TMC2: variants seen among roughly 807,000 people sequenced by gnomAD.
The protein encoded by TMC2 is transmembrane channel-like protein 2.
In TMC2, 102 loss-of-function variants were observed where a neutral mutation model predicts 105.9. The observed-to-expected ratio is 0.96, with a 90% CI of 0.82 to 1.14. TMC2 has a LOEUF of 1.14. Among genes scored for constraint, TMC2 ranks in the 50% most tolerant of loss-of-function variants. The pLI is 0.00. For synonymous variants in TMC2, 402 were observed against 422.8 expected (o/e 0.95, Z 0.60); for missense variants, 1,093 against 1,134.3 (o/e 0.96, Z 0.52).
In TMC2 at chr20:2,641,394, A is replaced by C; in HGVS notation, c.*43A>C. 1 of 1,335,772 alleles carries C rather than the reference A, an allele frequency of 7.5e-7. No homozygotes were observed. The allele number at this position is 1,335,772 out of a possible 1,614,324, so 82.7% of individuals were successfully genotyped here. A position where few individuals can be genotyped will look rare whatever the true frequency, so the allele number is the denominator to read the frequency against. ...AGCCTCGACCCTAGGGCTGATCCTC[A>C]AGTACCCCAGTTTCACACATACCAA... is the stretch of plus-strand genomic sequence containing the variant. On this transcript the variant is annotated 3_prime_UTR_variant, in exon 20 of 20. Coordinates refer to ENST00000358864, the MANE Select transcript of TMC2 (RefSeq NM_080751.3).
Position 2,556,200 on chromosome 20 carries a change from T to C in TMC2, c.83-2256T>C, listed in dbSNP as rs189772283. ...ACCTCCTAGCGTCAAGTGATTCTCC[T>C]GCCTCAGCCTTCCCAGTAGCTGGGA... On this transcript the variant is annotated intron_variant, in intron 2 of 19. Transcript: ENST00000358864. 2.8e-3 allele frequency among the ~76,000 whole-genome samples: 422 copies of C among 152,314 alleles called. 1 individual carries two copies. Among genetic ancestry groups the C allele is most frequent in the African/African-American group, 9.0e-3 (376 of 41,560 alleles).
chr20:2,634,523 C>G (rs2086627752), intron 17 of TMC2, among the ~76,000 whole-genome samples: 1 of 152,158 alleles, frequency 6.6e-6, no homozygotes, highest in Admixed American at 6.5e-5. Flanking sequence ...TAGTGACAAT[C>G]TGGATTGCCT....
In TMC2 at chr20:2,642,994, A is replaced by T. The variant is rs1444482363; in HGVS notation, c.*1643A>T. Among the ~76,000 whole-genome samples the T allele has an allele frequency of 6.6e-6, 1 of 152,164 alleles. No homozygotes were observed. The highest frequency in any genetic ancestry group is 2.4e-5 in the African/African-American group (1 of 41,434). On this transcript the variant is annotated 3_prime_UTR_variant, in exon 20 of 20. Coordinates refer to ENST00000358864, the MANE Select transcript of TMC2 (RefSeq NM_080751.3). ...ATTTCATAAGCTGTACAATTAAAAT[A>T]ATTTCTAACTTCCCTCCCAAATCCC...
At chr20:2,578,471 G>A (rs2086163289) in intron 5 of TMC2, among the ~76,000 whole-genome samples, 1 of 152,202 alleles carries the variant, frequency 6.6e-6, no homozygotes, top group Non-Finnish European at 1.5e-5. Flanking sequence ...CTGGTGGAGA[G>A]CAGTCCCTTG....
At chr20:2,580,738 A>C (rs1488324298) in intron 7 of TMC2, among the ~76,000 whole-genome samples, 2 of 152,140 alleles carry the variant, frequency 1.3e-5, no homozygotes, top group African/African-American at 2.4e-5. Flanking sequence ...ATAACCCACC[A>C]TACCTGGCCC....
At position 2,592,206 on chromosome 20, in the gene TMC2, G is replaced by A; in HGVS notation, c.835-104G>A. 1.5e-6 allele frequency: 1 copy of A among 680,002 alleles called. No individual in the cohort carries two copies. Among genetic ancestry groups the A allele is most frequent in the Non-Finnish European group, 2.6e-6 (1 of 383,714 alleles). The allele number at this position is 680,002 out of a possible 1,614,324, so 42.1% of individuals were successfully genotyped here. A position where few individuals can be genotyped will look rare whatever the true frequency, so the allele number is the denominator to read the frequency against. On this transcript the variant is annotated intron_variant, in intron 7 of 19. Transcript: ENST00000358864. The surrounding 1 kb of genome is among the most constrained non-coding windows in gnomAD (Gnocchi z 4.9). ...AATACATAAAGAAAGAAGAAAATAG[G>A]TGTATTCCGCTCTGAGAAGGAAAGC...
intron 2 of TMC2, among the ~76,000 whole-genome samples, chr20:2,555,352 AT>A (rs1169305707): frequency 6.6e-6 from 1 of 152,174 alleles, no homozygotes; most frequent in Non-Finnish European, 1.5e-5. Context: ...AAGTGCTGGG[AT>A]TACAGGCATG....
At chr20:2,537,133 T>G (rs2085855002) in intron 1 of TMC2, 136 bp from the exon 2 acceptor site, 1 of 738,510 alleles carries the variant, frequency 1.4e-6, no homozygotes, top group Non-Finnish European at 2.4e-6. Flanking sequence ...TATAATTTGC[T>G]GAGTAAAATC....
intron 9 of TMC2, among the ~76,000 whole-genome samples, chr20:2,596,166 C>T (rs112077811): frequency 1.3e-5 from 2 of 152,144 alleles, no homozygotes; most frequent in African/African-American, 4.8e-5. Context: ...TATAGCACCC[C>T]TGTTTGGAAT....
rs558934005 is a variant in TMC2, at chr20:2,592,899, G to A, written c.933+491G>A. Among the ~76,000 whole-genome samples, 225 of 152,034 alleles carry A rather than the reference G, an allele frequency of 1.5e-3. 2 individuals carry two copies. Among genetic ancestry groups the A allele is most frequent in the African/African-American group, 5.2e-3 (217 of 41,416 alleles). On this transcript the variant is annotated intron_variant, in intron 8 of 19. Transcript: ENST00000358864. The surrounding 1 kb of genome is among the most constrained non-coding windows in gnomAD (Gnocchi z 4.9). Reference sequence around the variant, plus strand: ...GTCTGAAGCCTGAAAATCATCCCACGCTTCTACCTCTTCCTCACCAACCAC... The same window carrying A: ...GTCTGAAGCCTGAAAATCATCCCACACTTCTACCTCTTCCTCACCAACCAC...
Position 2,566,959 on chromosome 20 carries a change from A to G in TMC2, c.554+4949A>G, listed in dbSNP as rs146630752. Reference sequence around the variant, plus strand: ...AATAACTGTTCTCCAGCCAAATACCACAGACAAAACAACAGCCCCCATTGC... The same window carrying G: ...AATAACTGTTCTCCAGCCAAATACCGCAGACAAAACAACAGCCCCCATTGC... On this transcript the variant is annotated intron_variant, in intron 4 of 19. Coordinates refer to ENST00000358864, the MANE Select transcript of TMC2 (RefSeq NM_080751.3). Among the ~76,000 whole-genome samples, 402 of 152,354 alleles carry G rather than the reference A, an allele frequency of 2.6e-3. 2 individuals carry two copies. Among genetic ancestry groups the G allele is most frequent in the African/African-American group, 9.0e-3 (373 of 41,588 alleles).
intron 9 of TMC2, 85 bp downstream of exon 9, chr20:2,595,052 G>A (rs1261668195): frequency 6.9e-7 from 1 of 1,457,898 alleles, no homozygotes; most frequent in East Asian, 2.3e-5. Context: ...CTCCCTTCTG[G>A]TGGGGCATTC....
rs932986969 is a variant in TMC2 at position 2,547,808 on chromosome 20, C to A, written c.82+10492C>A. On this transcript the variant is annotated intron_variant, in intron 2 of 19. Coordinates refer to ENST00000358864, the MANE Select transcript of TMC2 (RefSeq NM_080751.3). ...GGTAAGGTGATCACCCACTAAGAAC[C>A]TTAACTCTTTCATAAGTGAAGAACC... 3.3e-5 allele frequency among the ~76,000 whole-genome samples: 5 copies of A among 152,234 alleles called. No homozygotes were observed. In the East Asian group the frequency reaches 9.6e-4, roughly 29 times the overall value.
At chr20:2,622,349 G>T (rs556031354) in intron 16 of TMC2, among the ~76,000 whole-genome samples, 3 of 152,142 alleles carry the variant, frequency 2.0e-5, no homozygotes, top group African/African-American at 4.8e-5. Flanking sequence ...ATGTAAAAAT[G>T]ATTCTTAGCT....
chr20:2,537,175 C>A (rs2085855293), intron 1 of TMC2, 94 bp from the exon 2 acceptor site: 1 of 1,172,238 alleles, frequency 8.5e-7, no homozygotes, highest in African/African-American at 1.5e-5. Flanking sequence ...GAGGCAGCCA[C>A]AAATCAGCTG....
At chr20:2,539,015 T>G (rs190248788) in intron 2 of TMC2, among the ~76,000 whole-genome samples, 77 of 152,312 alleles carry the variant, frequency 5.1e-4, no homozygotes, top group Non-Finnish European at 9.4e-4. Context: ...CTCTCCCTCC[T>G]CCTGTATCAT....
At chr20:2,595,860 T>C (rs755215297) in intron 9 of TMC2, among the ~76,000 whole-genome samples, 1 of 152,182 alleles carries the variant, frequency 6.6e-6, no homozygotes, top group Non-Finnish European at 1.5e-5. Flanking sequence ...TGGTTTTCTT[T>C]CACATGGTCT....
rs759543692 is a variant in TMC2, at chr20:2,572,229, A to T, written c.605A>T (p.Lys202Ile). 1 of 1,613,640 alleles carries T rather than the reference A, an allele frequency of 6.2e-7. No individual in the cohort carries two copies. Among genetic ancestry groups the T allele is most frequent in the Non-Finnish European group, 8.5e-7 (1 of 1,179,884 alleles). ...TATGAAGGTGCCTTGGGAAAGGGGA[A>T]AGGCAAGCAACTATATGCCTACAAG... ...EKYEGALGKG[K>I]GKQLYAYKML... The change falls in exon 5 of 20, where the codon AAA (lysine) becomes ATA (isoleucine). Residue 202 changes from lysine to isoleucine, a missense_variant. Transcript: ENST00000358864.
At position 2,616,003 on chromosome 20, in the gene TMC2, C is replaced by T; in HGVS notation, c.1873-134C>T. ...AGAATGCTAAATCTAAGGTTCTTCTCTAGTTACCAGAGCAGGCTCTTTGGG... is the reference window on the plus strand; with the variant it reads ...AGAATGCTAAATCTAAGGTTCTTCTTTAGTTACCAGAGCAGGCTCTTTGGG... On this transcript the variant is annotated intron_variant, in intron 14 of 19. Coordinates refer to ENST00000358864, the MANE Select transcript of TMC2 (RefSeq NM_080751.3). This position sits in a 1 kb window ranked among gnomAD's most constrained non-coding sequence, Gnocchi z 4.8. 1.6e-6 allele frequency: 1 copy of T among 613,350 alleles called. No homozygotes were observed. The highest frequency in any genetic ancestry group is 2.9e-5 in the Admixed American group (1 of 34,396). 38.0% of individuals were successfully genotyped at this position (613,350 alleles called of 1,614,324 possible). A position where few individuals can be genotyped will look rare whatever the true frequency, so the allele number is the denominator to read the frequency against.
Sources: gnomAD v4.1 joint callset for allele counts (sites outside exome capture counted in the v4.1 genomes callset) on GRCh38, gnomAD v4.1.1 for gene constraint, Gnocchi (gnomAD v3.1) non-coding constraint, MANE v1.5 for transcripts, NCBI Gene and HGNC (gene_info 2026-07-23, HGNC 2026-07-21) for gene names.